The following NR1H4 variants were observed in gnomAD, a reference collection of about 807,000 sequenced individuals.
NR1H4 encodes the protein nuclear receptor subfamily 1 group H member 4, also known as bile acid receptor.
NR1H4 carries 23 observed loss-of-function variants against 58.5 expected under a neutral mutation model. The observed-to-expected ratio is 0.39, with a 90% confidence interval of 0.28 to 0.56. The LOEUF is 0.56. NR1H4 is among the 20% of genes least tolerant of loss of function. NR1H4 has a pLI of 0.58. For missense variants in NR1H4, 487 were observed against 576.9 expected, an observed-to-expected ratio of 0.84 and a Z score of 1.60; for synonymous variants, 214 against 198.0, an observed-to-expected ratio of 1.08 and a Z score of -0.68.
intron 1 of NR1H4, among the ~76,000 whole-genome samples, chr12:100,482,999 C>T (rs915220936): frequency 6.6e-6 from 1 of 152,174 alleles, no homozygotes; most frequent in African/African-American, 2.4e-5. Context: ...AATCTCGGCT[C>T]ACTGCAACCT....
At chr12:100,512,624 G>A (rs181085651) in intron 4 of NR1H4, among the ~76,000 whole-genome samples, 1 of 150,654 alleles carries the variant, frequency 6.6e-6, no homozygotes, top group East Asian at 2.0e-4. Flanking sequence ...CTGGGCAACT[G>A]AGCGAGACTC....
At chr12:100,510,733 C>T in intron 3 of NR1H4, 45 bp from the exon 4 acceptor site, 2 of 1,611,040 alleles carry the variant, frequency 1.2e-6, no homozygotes, top group Non-Finnish European at 1.7e-6. Context: ...CTCTAATTTC[C>T]AGAATGATGA....
rs1309213872 is a variant in NR1H4, at chr12:100,502,844, A to G, written c.80-7934A>G. On this transcript the variant is annotated intron_variant, in intron 3 of 10. Coordinates refer to ENST00000392986, the MANE Select transcript of NR1H4 (RefSeq NM_001206979.2). ...AGAATGAGAGCCAAGCAAAAGGGGAAACCCCTTATAAAACCATCAGATCTT... is the reference window on the plus strand; with the variant it reads ...AGAATGAGAGCCAAGCAAAAGGGGAGACCCCTTATAAAACCATCAGATCTT... 5.3e-5 allele frequency among the ~76,000 whole-genome samples: 8 copies of G among 152,282 alleles called. No individual in the cohort carries two copies. The East Asian group carries it at 1.2e-3, about 22-fold the overall frequency.
At chr12:100,486,159 C>T (rs1953487582) in intron 1 of NR1H4, among the ~76,000 whole-genome samples, 2 of 152,078 alleles carry the variant, frequency 1.3e-5, no homozygotes, top group South Asian at 4.1e-4. Flanking sequence ...CCAGGTCATG[C>T]GTGAAGCTAC....
intron 3 of NR1H4, chr12:100,505,608 G>A: frequency 1.4e-6 from 1 of 701,732 alleles, no homozygotes; most frequent in Non-Finnish European, 2.6e-6. Flanking sequence ...CCATCCATGT[G>A]TTCTCATTTA....
Position 100,563,565 on chromosome 12 carries a change from C to G in NR1H4, c.*76C>G. 8.8e-7 allele frequency: 1 copy of G among 1,140,504 alleles called. No homozygotes were observed. The highest frequency in any genetic ancestry group is 1.7e-5 in the Admixed American group (1 of 58,334). 70.6% of individuals were successfully genotyped at this position (1,140,504 alleles called of 1,614,324 possible). On this transcript the variant is annotated 3_prime_UTR_variant, in exon 11 of 11. Transcript: ENST00000392986. Reference sequence around the variant, plus strand: ...TGATGTATAACTTTCCTTTATTTCACTTGTACCCAGTTTCACTCAAGAAAT... The same window carrying G: ...TGATGTATAACTTTCCTTTATTTCAGTTGTACCCAGTTTCACTCAAGAAAT...
intron 6 of NR1H4, 96 bp downstream of exon 6, chr12:100,535,119 G>A: frequency 7.3e-7 from 1 of 1,370,116 alleles, no homozygotes; most frequent in African/African-American, 1.4e-5. Context: ...AAAGCCACAG[G>A]CACAGCTGAA....
chr12:100,533,569 C>A (rs1257464428), intron 5 of NR1H4, among the ~76,000 whole-genome samples: 3 of 152,178 alleles, frequency 2.0e-5, no homozygotes, highest in Non-Finnish European at 4.4e-5. Flanking sequence ...TGAGAACCTG[C>A]AATAGGGGCT....
intron 3 of NR1H4, chr12:100,503,575 T>G: frequency 7.2e-7 from 1 of 1,380,066 alleles, no homozygotes; most frequent in East Asian, 2.5e-5. Context: ...TGGTTGGAGA[T>G]GACAGTAACA....
intron 9 of NR1H4, among the ~76,000 whole-genome samples, chr12:100,553,500 T>G (rs1955254032): frequency 6.6e-6 from 1 of 152,164 alleles, no homozygotes. Context: ...CTAACAGGGA[T>G]CCTGCCTTGT....
intron 3 of NR1H4, chr12:100,503,230 G>A: frequency 1.1e-6 from 1 of 878,828 alleles, no homozygotes; most frequent in Non-Finnish European, 1.6e-6. Flanking sequence ...CTAAGAGACT[G>A]GTTTCCAGCT....
At chr12:100,545,713 A>G (rs545365372) in intron 9 of NR1H4, among the ~76,000 whole-genome samples, 20 of 150,650 alleles carry the variant, frequency 1.3e-4, no homozygotes, top group East Asian at 1.2e-3. Context: ...TCTATTAATT[A>G]CGGCACCAGA....
At chr12:100,524,179 C>G (rs143830866) in intron 4 of NR1H4, among the ~76,000 whole-genome samples, 1 of 151,996 alleles carries the variant, frequency 6.6e-6, no homozygotes, top group Non-Finnish European at 1.5e-5. Flanking sequence ...TTAAAAGAAA[C>G]GTCTTAAAGC....
intron 3 of NR1H4, chr12:100,503,562 C>A (rs1953887447): frequency 6.9e-7 from 1 of 1,443,214 alleles, no homozygotes; most frequent in African/African-American, 1.4e-5. Flanking sequence ...AATCTGGGGA[C>A]TTTGGTTGGA....
At chr12:100,503,547 G>A (rs1488037677) in intron 3 of NR1H4, 1 of 1,489,306 alleles carries the variant, frequency 6.7e-7, no homozygotes, top group East Asian at 2.4e-5. Context: ...CAACTGGACT[G>A]AGGAAATCTG....
At chr12:100,537,736 C>T (rs1443362149) in intron 8 of NR1H4, among the ~76,000 whole-genome samples, 3 of 152,278 alleles carry the variant, frequency 2.0e-5, no homozygotes, top group Non-Finnish European at 2.9e-5. Context: ...TTGTTTGAGA[C>T]GGAGTCTCGC....
intron 9 of NR1H4, among the ~76,000 whole-genome samples, chr12:100,544,629 A>G (rs1240870419): frequency 6.6e-6 from 1 of 152,152 alleles, no homozygotes; most frequent in East Asian, 1.9e-4. Flanking sequence ...TCAGTATTTT[A>G]TCCCAAGCAC....
chr12:100,517,682 C>G (rs1209288016), intron 4 of NR1H4, among the ~76,000 whole-genome samples: 1 of 152,156 alleles, frequency 6.6e-6, no homozygotes, highest in East Asian at 1.9e-4. Flanking sequence ...ACATCCTTGC[C>G]AAAACTTGTT....
chr12:100,556,475 A>AAAAAAAC (rs772839437), intron 9 of NR1H4, among the ~76,000 whole-genome samples: 1 of 151,806 alleles, frequency 6.6e-6, no homozygotes, highest in Non-Finnish European at 1.5e-5. Flanking sequence ...CTCAAAGAAA[A>AAAAAAAC]AAAAAACAAA....
Sources: allele counts gnomAD v4.1 joint callset (sites outside exome capture counted in the v4.1 genomes callset), GRCh38; gene constraint gnomAD v4.1.1; transcripts MANE v1.5; gene names NCBI Gene and HGNC (gene_info 2026-07-23, HGNC 2026-07-21).